The following GABRA2 variants were observed in gnomAD, a reference collection of about 807,000 sequenced individuals.
The protein encoded by GABRA2 is gamma-aminobutyric acid type A receptor subunit alpha2.
Under a neutral mutation model 48.7 loss-of-function variants are expected in GABRA2, and 16 were observed. That is an observed-to-expected ratio of 0.33 (90% CI 0.22 to 0.50). The LOEUF (loss-of-function observed/expected upper bound fraction) is 0.50. Ranked by LOEUF, GABRA2 falls within the 20% of genes least tolerant of loss-of-function variation. The probability of loss-of-function intolerance (pLI) is 0.98; values close to 1 mark genes in which losing one functional copy is unlikely to be tolerated. For synonymous variants in GABRA2, 185 were observed against 184.5 expected, an observed-to-expected ratio of 1.00 and a Z score of -0.02; for missense variants, 275 against 535.6, an observed-to-expected ratio of 0.51 and a Z score of 4.80.
intron 4 of GABRA2, among the ~76,000 whole-genome samples, chr4:46,332,104 T>TA (rs1391587797): frequency 6.6e-6 from 1 of 152,106 alleles, no homozygotes; most frequent in Non-Finnish European, 1.5e-5. Flanking sequence ...TTAGGTTGAT[T>TA]TATATATACC....
chr4:46,389,326 A>C (rs1458704286), intron 1 of GABRA2: 1 of 985,338 alleles, frequency 1.0e-6, no homozygotes, highest in African/African-American at 1.7e-5. Flanking sequence ...GTTGCCCAAG[A>C]CCAAGTCTTA....
chr4:46,375,951 A>G (rs1228084064), intron 3 of GABRA2, among the ~76,000 whole-genome samples: 2 of 152,228 alleles, frequency 1.3e-5, no homozygotes, highest in East Asian at 1.9e-4. Context: ...GGTACAAGTA[A>G]AAATCATTTC....
At chr4:46,326,260 A>G (rs1183056868) in intron 4 of GABRA2, among the ~76,000 whole-genome samples, 1 of 151,918 alleles carries the variant, frequency 6.6e-6, no homozygotes, top group East Asian at 1.9e-4. Flanking sequence ...CTCCTTCCCC[A>G]AGAAAGCTAA....
intron 4 of GABRA2, among the ~76,000 whole-genome samples, chr4:46,317,413 G>A (rs1728726003): frequency 6.6e-6 from 1 of 151,570 alleles, no homozygotes; most frequent in South Asian, 2.1e-4. Context: ...AATAAATGAA[G>A]CTTTATAATA....
chr4:46,347,803 G>GA (rs749257090), intron 3 of GABRA2, among the ~76,000 whole-genome samples: 4 of 151,754 alleles, frequency 2.6e-5, no homozygotes, highest in Non-Finnish European at 5.9e-5. Flanking sequence ...AGATGGAAGA[G>GA]AAAAAAACAC....
intron 4 of GABRA2, among the ~76,000 whole-genome samples, chr4:46,326,060 C>G (rs1730318096): frequency 3.9e-5 from 6 of 151,900 alleles, no homozygotes; most frequent in Admixed American, 3.9e-4. Flanking sequence ...CAGGCTCTTA[C>G]TTTGGCTCCC....
chr4:46,273,348 G>C (rs1719714092), intron 8 of GABRA2, among the ~76,000 whole-genome samples: 1 of 148,994 alleles, frequency 6.7e-6, no homozygotes. Flanking sequence ...TTTCTTCTCT[G>C]TCCTCACTTT....
intron 4 of GABRA2, among the ~76,000 whole-genome samples, chr4:46,322,102 A>G (rs1264928335): frequency 1.3e-5 from 2 of 152,026 alleles, no homozygotes; most frequent in Non-Finnish European, 2.9e-5. Context: ...TTACCATTGC[A>G]TCAACTTTGA....
intron 8 of GABRA2, among the ~76,000 whole-genome samples, chr4:46,289,125 C>A (rs1723107074): frequency 6.6e-6 from 1 of 152,086 alleles, no homozygotes; most frequent in Non-Finnish European, 1.5e-5. Context: ...ATTAGTTCAA[C>A]CATTGTAGAA....
intron 3 of GABRA2, among the ~76,000 whole-genome samples, chr4:46,363,009 AAC>A (rs1713454914): frequency 6.6e-6 from 1 of 152,292 alleles, no homozygotes; most frequent in East Asian, 1.9e-4. Flanking sequence ...AGTAAAATTA[AAC>A]AGTTTCTACC....
At position 46,257,797 on chromosome 4, in the gene GABRA2, G is replaced by C. The variant is rs531644917; in HGVS notation, c.1059+4129C>G. Among the ~76,000 whole-genome samples, 15 of 151,704 alleles carry C rather than the reference G, an allele frequency of 9.9e-5. No individual in the cohort carries two copies. In the South Asian group the frequency reaches 3.1e-3, roughly 31 times the overall value. On this transcript the variant is annotated intron_variant, in intron 9 of 9. Transcript: ENST00000381620. ...GTAAAAAAAACTATAAAAAGTATGA[G>C]AGATGGTGAAAATATGGTCTAAGAT... is the stretch of plus-strand genomic sequence containing the variant.
At chr4:46,312,217 G>C (rs1039762714) in intron 5 of GABRA2, among the ~76,000 whole-genome samples, 1 of 134,328 alleles carries the variant, frequency 7.4e-6, no homozygotes, top group South Asian at 2.2e-4. Flanking sequence ...TATTAAAAAT[G>C]TACTTAATAA....
chr4:46,263,260 A>G lies in GABRA2; in HGVS notation c.857-1132T>C, dbSNP rs185111912. ...ATTGATACTCTCCTGGTATTGAGGA[A>G]GATATGGGGCATTACAAATTTGTGT... On this transcript the variant is annotated intron_variant, in intron 8 of 9. Transcript: ENST00000381620. 2.2e-3 allele frequency among the ~76,000 whole-genome samples: 338 copies of G among 152,200 alleles called. 5 individuals are homozygous for G. The highest frequency in any genetic ancestry group is 7.3e-3 in the African/African-American group (305 of 41,548).
chr4:46,363,021 C>T (rs919922127), intron 3 of GABRA2, among the ~76,000 whole-genome samples: 7 of 151,982 alleles, frequency 4.6e-5, no homozygotes, highest in African/African-American at 1.7e-4. Flanking sequence ...CAGTTTCTAC[C>T]CCCTTGCCTA....
chr4:46,312,027 A>G (rs1183150847), intron 5 of GABRA2, among the ~76,000 whole-genome samples: 1 of 152,202 alleles, frequency 6.6e-6, no homozygotes, highest in Non-Finnish European at 1.5e-5. Context: ...ACAACCCAGG[A>G]AGCGGAGGTT....
intron 3 of GABRA2, among the ~76,000 whole-genome samples, chr4:46,336,060 A>G (rs1320306748): frequency 6.6e-6 from 1 of 152,092 alleles, no homozygotes; most frequent in Admixed American, 6.6e-5. Context: ...CTCCCCATCC[A>G]GGATTTAAGC....
intron 4 of GABRA2, among the ~76,000 whole-genome samples, chr4:46,324,790 C>T (rs192720415): frequency 6.6e-6 from 1 of 151,714 alleles, no homozygotes; most frequent in Admixed American, 6.6e-5. Flanking sequence ...TGATGTTTAG[C>T]TCCCACTTAC....
Position 46,313,567 on chromosome 4 carries a change from TTCTC to T in GABRA2, c.256-855_256-852del, listed in dbSNP as rs3068364. On this transcript the variant is annotated intron_variant, in intron 4 of 9. Transcript: ENST00000381620. ...AATTTTAACTTACGTGAAACTCTGT[TTCTC>T]TCTCTCTCTCTCTCTCTCTTTACCT... Among the ~76,000 whole-genome samples, 510 of 145,730 alleles carry T rather than the reference TTCTC, an allele frequency of 3.5e-3. 2 individuals carry two copies. The highest frequency in any genetic ancestry group is 0.028 in the Middle Eastern group (8 of 286).
At position 46,389,865 on chromosome 4, in the gene GABRA2, G is replaced by A. The variant is rs1010596538; in HGVS notation, c.-141C>T. 2 of 969,574 alleles carry A rather than the reference G, an allele frequency of 2.1e-6. No homozygotes were observed. Among genetic ancestry groups the A allele is most frequent in the Non-Finnish European group, 2.4e-6 (2 of 822,704 alleles). 60.1% of individuals were successfully genotyped at this position (969,574 alleles called of 1,614,324 possible). A position where few individuals can be genotyped will look rare whatever the true frequency, so the allele number is the denominator to read the frequency against. On this transcript the variant is annotated 5_prime_UTR_variant, in exon 1 of 10. Coordinates refer to ENST00000381620, the MANE Select transcript of GABRA2 (RefSeq NM_000807.4). ...AGAGAGAGAGAGAGAGAGAGAGACC[G>A]AGACTGCAGCAGCCAAGAGAGCGTG...
Sources: gnomAD v4.1 joint callset for allele counts (sites outside exome capture counted in the v4.1 genomes callset) on GRCh38, gnomAD v4.1.1 for gene constraint, MANE v1.5 for transcripts, NCBI Gene and HGNC (gene_info 2026-07-23, HGNC 2026-07-21) for gene names.